The following TOMM20 variants were observed in gnomAD, a reference collection of about 807,000 sequenced individuals.
TOMM20 encodes the protein mitochondrial import receptor subunit TOM20 homolog.
Under a neutral mutation model 22.1 loss-of-function variants are expected in TOMM20, and 10 were observed. The observed-to-expected ratio is 0.45, with a 90% CI of 0.28 to 0.77. The LOEUF (loss-of-function observed/expected upper bound fraction) is 0.77, where lower values mean the gene tolerates loss of function less well. Among genes scored for constraint, TOMM20 ranks in the 30% least tolerant of loss-of-function variants. The pLI is 0.13. For missense variants in TOMM20, 121 were observed against 172.2 expected (o/e 0.70, Z 1.66); for synonymous variants, 55 against 61.4 (o/e 0.90, Z 0.49).
At chr1:235,116,908 G>A (rs1282881515) in intron 3 of TOMM20, among the ~76,000 whole-genome samples, 1 of 151,908 alleles carries the variant, frequency 6.6e-6, no homozygotes, top group Non-Finnish European at 1.5e-5. Flanking sequence ...GGCCAAGGCG[G>A]GCGGATCACA....
intron 3 of TOMM20, among the ~76,000 whole-genome samples, chr1:235,114,429 CTTATT>C (rs1660795030): frequency 7.1e-6 from 1 of 140,742 alleles, no homozygotes; most frequent in African/African-American, 2.6e-5. Context: ...AGTGGGAGGG[CTTATT>C]TTTTCTTTTT....
rs1250382631 is a variant in TOMM20 at position 235,111,683 on chromosome 1, A to G, written c.*381T>C. On this transcript the variant is annotated 3_prime_UTR_variant, in exon 5 of 5. Transcript: ENST00000366607. Reference sequence around the variant, plus strand: ...TTTACAGCAAAATGTGCCCTCTAAAAAAGTGTACATTCTTCAGTTTCTCCT... The same window carrying G: ...TTTACAGCAAAATGTGCCCTCTAAAGAAGTGTACATTCTTCAGTTTCTCCT... 2 of 164,410 alleles carry G rather than the reference A, an allele frequency of 1.2e-5. No homozygotes were observed. Among genetic ancestry groups the G allele is most frequent in the Non-Finnish European group, 2.6e-5 (2 of 76,436 alleles). The allele number at this position is 164,410 out of a possible 1,614,324, so 10.2% of individuals were successfully genotyped here.
rs1660731322 is a variant in TOMM20 at position 235,111,054 on chromosome 1, G to C, written c.*1010C>G. On this transcript the variant is annotated 3_prime_UTR_variant, in exon 5 of 5. Transcript: ENST00000366607. ...AAGGCAACAAGCATTTTTACAAGCA[G>C]ATCATCCCAGTTACCTTAAAAGTTT... 1 of 152,152 alleles carries C rather than the reference G, an allele frequency of 6.6e-6. No individual in the cohort carries two copies. Among genetic ancestry groups the C allele is most frequent in the Admixed American group, 6.5e-5 (1 of 15,272 alleles). 9.4% of individuals were successfully genotyped at this position (152,152 alleles called of 1,614,324 possible).
chr1:235,128,337 T>C (rs34037390), intron 1 of TOMM20, among the ~76,000 whole-genome samples: 38,264 of 152,078 alleles, frequency 0.25, 6,137 homozygotes, highest in South Asian at 0.53. Flanking sequence ...CACCCGAGAT[T>C]GCAACAGAAA....
rs535223678 is a variant in TOMM20, at chr1:235,111,211, T to C, written c.*853A>G. 14 of 151,922 alleles carry C rather than the reference T, an allele frequency of 9.2e-5. No homozygotes were observed. Among genetic ancestry groups the C allele is most frequent in the Admixed American group, 8.5e-4 (13 of 15,258 alleles). 9.4% of individuals were successfully genotyped at this position (151,922 alleles called of 1,614,324 possible). On this transcript the variant is annotated 3_prime_UTR_variant, in exon 5 of 5. Transcript: ENST00000366607. ...ATGCAAAATTCAGAATATAAAAAAA[T>C]GCAGGGCCTGGTTGCCCACATACAT...
chr1:235,128,672 G>GC lies in TOMM20; in HGVS notation c.43dup (p.Ala15GlyfsTer17). On this transcript the variant is annotated frameshift_variant, in exon 1 of 5. Coordinates refer to ENST00000366607, the MANE Select transcript of TOMM20 (RefSeq NM_014765.3). LOFTEE classifies it high-confidence loss of function. The stretch of plus-strand genomic sequence containing the variant: ...GTAGATGCAGTACCCAATGAAAAGG[G>GC]CCCCGCATACACCGGCGGCGATGGC... The GC allele has an allele frequency of 6.2e-7, 1 of 1,614,080 alleles. No homozygotes were observed. Among genetic ancestry groups the GC allele is most frequent in the Non-Finnish European group, 8.5e-7 (1 of 1,179,952 alleles).
At position 235,110,121 on chromosome 1, in the gene TOMM20, C is replaced by A. The variant is rs1352762376; in HGVS notation, c.*1943G>T. ...GTTAATGAACTGTAAAATGAAGATA[C>A]CAACGCCTTTTCAAGCATTACAGCA... On this transcript the variant is annotated 3_prime_UTR_variant, in exon 5 of 5. Transcript: ENST00000366607. 6.6e-6 allele frequency: 1 copy of A among 152,108 alleles called. No individual in the cohort carries two copies. The highest frequency in any genetic ancestry group is 2.4e-5 in the African/African-American group (1 of 41,422). The allele number at this position is 152,108 out of a possible 1,614,324, so 9.4% of individuals were successfully genotyped here.
chr1:235,114,728 C>T lies in TOMM20; in HGVS notation c.251-818G>A, dbSNP rs747716357. ...CTGGGATTACAGGTGTGAGCCACCA[C>T]GCCCAGCCTATTTTATCTATAAATA... is the stretch of plus-strand genomic sequence containing the variant. On this transcript the variant is annotated intron_variant, in intron 3 of 4. Transcript: ENST00000366607. Among the ~76,000 whole-genome samples the T allele has an allele frequency of 3.0e-4, 46 of 152,018 alleles. 1 individual carries two copies. The highest frequency in any genetic ancestry group is 1.3e-4 in the Admixed American group (2 of 15,266).
chr1:235,114,255 T>G (rs1660791310), intron 3 of TOMM20, among the ~76,000 whole-genome samples: 1 of 152,066 alleles, frequency 6.6e-6, no homozygotes, highest in African/African-American at 2.4e-5. Context: ...ACTAAAAGAC[T>G]GGGGACTGGG....
chr1:235,123,444 C>T (rs956373779), intron 1 of TOMM20, among the ~76,000 whole-genome samples: 6 of 152,192 alleles, frequency 3.9e-5, no homozygotes, highest in African/African-American at 1.4e-4. Flanking sequence ...GAGACTGTGC[C>T]ACTGCACTTC....
At chr1:235,127,447 C>A (rs78825878) in intron 1 of TOMM20, among the ~76,000 whole-genome samples, 1,729 of 152,278 alleles carry the variant, frequency 0.011, 30 homozygotes, top group African/African-American at 0.036. Context: ...CCTCCTAAAA[C>A]ATAAGAAAGC....
chr1:235,120,554 C>T (rs1019252294), intron 2 of TOMM20, among the ~76,000 whole-genome samples: 5 of 151,730 alleles, frequency 3.3e-5, no homozygotes, highest in African/African-American at 1.2e-4. Flanking sequence ...TATGAGCCAC[C>T]GCACCCAGCC....
chr1:235,124,749 T>G (rs989768512), intron 1 of TOMM20, among the ~76,000 whole-genome samples: 2 of 152,218 alleles, frequency 1.3e-5, no homozygotes, highest in African/African-American at 4.8e-5. Context: ...AATTTTAAGA[T>G]CACTTAGTTG....
intron 3 of TOMM20, 99 bp downstream of exon 3, chr1:235,119,714 CCTTTT>C (rs1660898422): frequency 1.5e-6 from 1 of 652,624 alleles, no homozygotes; most frequent in Non-Finnish European, 2.5e-6. Flanking sequence ...ACTTGGAGTA[CCTTTT>C]CTAACAGCCA....
intron 3 of TOMM20, among the ~76,000 whole-genome samples, chr1:235,115,212 C>A (rs995352572): frequency 6.6e-6 from 1 of 152,026 alleles, no homozygotes; most frequent in Non-Finnish European, 1.5e-5. Flanking sequence ...AAAAACTGTC[C>A]CAAAATATTT....
intron 2 of TOMM20, among the ~76,000 whole-genome samples, chr1:235,121,397 G>C (rs1235552605): frequency 6.6e-6 from 1 of 152,066 alleles, no homozygotes; most frequent in African/African-American, 2.4e-5. Context: ...ACATACTGGT[G>C]CATGTCTCAA....
At chr1:235,126,802 A>AAAC (rs952603331) in intron 1 of TOMM20, among the ~76,000 whole-genome samples, 3 of 152,272 alleles carry the variant, frequency 2.0e-5, no homozygotes, top group African/African-American at 7.2e-5. Flanking sequence ...TCAAACAAAC[A>AAAC]AACAACAACA....
chr1:235,115,453 CCTA>C (rs1264415793), intron 3 of TOMM20, among the ~76,000 whole-genome samples: 1 of 151,778 alleles, frequency 6.6e-6, no homozygotes, highest in Non-Finnish European at 1.5e-5. Context: ...ATGGTGAAAC[CCTA>C]CTGCTACTAA....
chr1:235,116,940 C>T (rs1348929364), intron 3 of TOMM20, among the ~76,000 whole-genome samples: 2 of 151,266 alleles, frequency 1.3e-5, no homozygotes, highest in Non-Finnish European at 2.9e-5. Flanking sequence ...TCGAGACCAT[C>T]CTGGCTAACA....
Sources: allele counts gnomAD v4.1 joint callset (sites outside exome capture counted in the v4.1 genomes callset), GRCh38; gene constraint gnomAD v4.1.1; transcripts MANE v1.5; gene names NCBI Gene and HGNC (gene_info 2026-07-23, HGNC 2026-07-21).